ARHGEF26: variants seen among roughly 807,000 people sequenced by gnomAD.
The protein encoded by ARHGEF26 is Rho guanine nucleotide exchange factor 26.
A neutral mutation model predicts 89.4 loss-of-function variants in ARHGEF26; 59 were observed. The ratio of observed to expected loss-of-function variants is 0.66; its 90% CI spans 0.54 to 0.82. The LOEUF is 0.82. Ranked by LOEUF, ARHGEF26 falls within the 40% of genes least tolerant of loss-of-function variation. The pLI is 0.00. For missense variants in ARHGEF26, 1,234 were observed against 1,085.6 expected, an observed-to-expected ratio of 1.14 and a Z score of -1.92; for synonymous variants, 500 against 428.4, an observed-to-expected ratio of 1.17 and a Z score of -2.06.
chr3:154,216,005 CATATATAACATAGGAAAAAA>C (rs1715702624), intron 9 of ARHGEF26, among the ~76,000 whole-genome samples: 1 of 152,036 alleles, frequency 6.6e-6, no homozygotes, highest in Non-Finnish European at 1.5e-5. Context: ...TTTATATGTT[CATATATAACATAGGAAAAAA>C]AGAGAAAGTG....
At chr3:154,239,259 AGG>A (rs1407866434) in intron 11 of ARHGEF26, among the ~76,000 whole-genome samples, 2,832 of 102,862 alleles carry the variant, frequency 0.028, 39 homozygotes, top group African/African-American at 0.048. Flanking sequence ...CGAGAGAGAG[AGG>A]GAGAGAGAGA....
intron 11 of ARHGEF26, among the ~76,000 whole-genome samples, chr3:154,233,836 CGCAG>C (rs1209398380): frequency 1.3e-5 from 2 of 152,200 alleles, no homozygotes. Context: ...TCTGAAAAAA[CGCAG>C]GCAGCTGCTA....
At chr3:154,237,159 C>T in intron 11 of ARHGEF26, among the ~76,000 whole-genome samples, 1 of 152,164 alleles carries the variant, frequency 6.6e-6, no homozygotes, top group East Asian at 1.9e-4. Context: ...TTGTAGTTGT[C>T]ATTGCTTAAG....
chr3:154,224,011 C>T (rs1389964184), intron 10 of ARHGEF26, among the ~76,000 whole-genome samples: 1 of 151,970 alleles, frequency 6.6e-6, no homozygotes, highest in African/African-American at 2.4e-5. Context: ...TCCATAGGCA[C>T]AGACTATTTC....
At chr3:154,227,617 AT>A (rs1467064697) in intron 11 of ARHGEF26, among the ~76,000 whole-genome samples, 1 of 152,102 alleles carries the variant, frequency 6.6e-6, no homozygotes, top group Non-Finnish European at 1.5e-5. Flanking sequence ...AAGAATTATA[AT>A]TTTTATGTTT....
chr3:154,233,358 AGTTTGACTAGAGT>A (rs1313384682), intron 11 of ARHGEF26, among the ~76,000 whole-genome samples: 4 of 152,230 alleles, frequency 2.6e-5, no homozygotes, highest in Admixed American at 6.5e-5. Context: ...ATCCCAGCAA[AGTTTGACTAGAGT>A]GTTTCTGTTC....
At chr3:154,149,489 A>G in intron 5 of ARHGEF26, 44 bp downstream of exon 5, 2 of 1,528,880 alleles carry the variant, frequency 1.3e-6, no homozygotes, top group South Asian at 2.5e-5. Flanking sequence ...TGGAGTGTGC[A>G]TGTCGGTGTC....
chr3:154,206,099 T>A (rs2108222214), intron 9 of ARHGEF26, among the ~76,000 whole-genome samples: 1 of 152,292 alleles, frequency 6.6e-6, no homozygotes, highest in South Asian at 2.1e-4. Flanking sequence ...CCTCAGCTTT[T>A]GTTTGTCTGG....
At chr3:154,159,671 C>T (rs1711548970) in intron 6 of ARHGEF26, among the ~76,000 whole-genome samples, 1 of 151,976 alleles carries the variant, frequency 6.6e-6, no homozygotes, top group Non-Finnish European at 1.5e-5. Context: ...CAAAAAATGA[C>T]AATTTATGTA....
intron 11 of ARHGEF26, among the ~76,000 whole-genome samples, chr3:154,237,565 CACACACACTT>C (rs1717194694): frequency 6.6e-6 from 1 of 151,770 alleles, no homozygotes; most frequent in Admixed American, 6.6e-5. Context: ...CACACACACA[CACACACACTT>C]AACTAGTTTA....
At chr3:154,217,793 C>T in intron 9 of ARHGEF26, 76 bp from the exon 10 acceptor site, 3 of 1,128,148 alleles carry the variant, frequency 2.7e-6, no homozygotes, top group East Asian at 5.1e-5. Flanking sequence ...GTAATTATTT[C>T]CTGTGAGAGT....
chr3:154,203,174 T>C (rs964113912), intron 9 of ARHGEF26, among the ~76,000 whole-genome samples: 2 of 152,216 alleles, frequency 1.3e-5, no homozygotes, highest in East Asian at 1.9e-4. Flanking sequence ...ATACGTCCCA[T>C]TGATACCTAA....
intron 6 of ARHGEF26, among the ~76,000 whole-genome samples, chr3:154,181,888 A>G (rs1713206086): frequency 6.6e-6 from 1 of 152,188 alleles, no homozygotes; most frequent in South Asian, 2.1e-4. Flanking sequence ...GTAAAATAAT[A>G]ATAGAACGAA....
chr3:154,198,601 G>A (rs1038578362), intron 9 of ARHGEF26, among the ~76,000 whole-genome samples: 3 of 152,244 alleles, frequency 2.0e-5, no homozygotes, highest in African/African-American at 7.2e-5. Flanking sequence ...GTTGGAGACC[G>A]TTATTCTAAG....
intron 9 of ARHGEF26, among the ~76,000 whole-genome samples, chr3:154,201,438 A>G (rs1714628748): frequency 6.6e-6 from 1 of 152,024 alleles, no homozygotes; most frequent in Non-Finnish European, 1.5e-5. Flanking sequence ...AGTCTTTGCT[A>G]TTGTGAATAG....
intron 6 of ARHGEF26, among the ~76,000 whole-genome samples, chr3:154,180,158 T>C (rs1360853852): frequency 6.6e-6 from 1 of 152,180 alleles, no homozygotes; most frequent in Non-Finnish European, 1.5e-5. Flanking sequence ...TGTGATTACT[T>C]TAAGCCCACC....
chr3:154,182,862 CTGTTGGTTTTGTTTTTTCCTCAAAAA>C (rs1360119078), intron 6 of ARHGEF26, among the ~76,000 whole-genome samples: 19 of 152,126 alleles, frequency 1.2e-4, no homozygotes, highest in Non-Finnish European at 2.4e-4. Flanking sequence ...AGCAGGCTTG[CTGTTGGTTTTGTTTTTTCCTCAAAAA>C]TGTAGTGCCA....
At chr3:154,175,136 A>G (rs1043362882) in intron 6 of ARHGEF26, among the ~76,000 whole-genome samples, 1 of 152,200 alleles carries the variant, frequency 6.6e-6, no homozygotes, top group African/African-American at 2.4e-5. Flanking sequence ...TTGAAAGTCT[A>G]AGAAAATGTG....
At position 154,122,795 on chromosome 3, in the gene ARHGEF26, A is replaced by G. The variant is rs1160794355; in HGVS notation, c.803A>G (p.Asn268Ser). The change falls in exon 2 of 15, where the codon AAT (asparagine) becomes AGT (serine). Residue 268 changes from asparagine to serine, a missense_variant. Physicochemically the swap from Asn to Ser is conservative, Grantham distance 46. Transcript: ENST00000465093. Reference protein sequence around the residue: ...EIKISKSNNQNVEPHKRLLKV... With the variant: ...EIKISKSNNQSVEPHKRLLKV... ...AAAATAAGTAAATCCAACAATCAAA[A>G]TGTGGAGCCCCACAAGAGACTCCTC... 1 of 1,611,434 alleles carries G rather than the reference A, an allele frequency of 6.2e-7. No individual in the cohort carries two copies. The highest frequency in any genetic ancestry group is 8.5e-7 in the Non-Finnish European group (1 of 1,178,720).
Sources: gnomAD v4.1 joint callset for allele counts (sites outside exome capture counted in the v4.1 genomes callset) on GRCh38, gnomAD v4.1.1 for gene constraint, MANE v1.5 for transcripts, NCBI Gene and HGNC (gene_info 2026-07-23, HGNC 2026-07-21) for gene names.